SLC35B3: variants seen among roughly 807,000 people sequenced by gnomAD.
The protein encoded by SLC35B3 is adenosine 3'-phospho 5'-phosphosulfate transporter 2.
Under a neutral mutation model 44.1 loss-of-function variants are expected in SLC35B3, and 35 were observed. The observed-to-expected ratio is 0.79, with a 90% CI of 0.61 to 1.05. The LOEUF is 1.05. SLC35B3 is among the 50% of genes least tolerant of loss of function. The pLI, the probability that SLC35B3 is intolerant of heterozygous loss-of-function variation, is 0.00. For missense variants in SLC35B3, 414 were observed against 476.4 expected (o/e 0.87, Z 1.22); for synonymous variants, 146 against 167.3 (o/e 0.87, Z 0.98).
In SLC35B3 at chr6:8,420,930, C is replaced by T; in HGVS notation, c.575-102G>A. ...GAACATGGATTTGTTTTTTTATATC[C>T]AATGCCAAAAACGTGAACACTTAGG... On this transcript the variant is annotated intron_variant, in intron 5 of 10. Transcript: ENST00000644923. This position sits in a 1 kb window ranked among gnomAD's most constrained non-coding sequence, Gnocchi z 4.4. The T allele has an allele frequency of 1.2e-6, 1 of 848,306 alleles. No individual in the cohort carries two copies. The highest frequency in any genetic ancestry group is 1.8e-6 in the Non-Finnish European group (1 of 556,334). The allele number at this position is 848,306 out of a possible 1,614,324, so 52.5% of individuals were successfully genotyped here.
chr6:8,413,124 T>TC lies in SLC35B3; in HGVS notation c.*424dup, dbSNP rs1360546064. On this transcript the variant is annotated 3_prime_UTR_variant, in exon 11 of 11. Transcript: ENST00000644923. ...TAATGAATGTTATTCTCTCCAGACT[T>TC]CAACTCATCAGTTTACTCTTATAAC... 2 of 153,744 alleles carry TC rather than the reference T, an allele frequency of 1.3e-5. No homozygotes were observed. The highest frequency in any genetic ancestry group is 3.8e-4 in the East Asian group (2 of 5,202). 9.5% of individuals were successfully genotyped at this position (153,744 alleles called of 1,614,324 possible). A position where few individuals can be genotyped will look rare whatever the true frequency, so the allele number is the denominator to read the frequency against.
In SLC35B3 at chr6:8,413,343, G is replaced by A; in HGVS notation, c.*206C>T. ...TGACATTTTATTGTAAAGTCTGCTA[G>A]ACGTGGCTCTCTTGATTGCTTTGGA... On this transcript the variant is annotated 3_prime_UTR_variant, in exon 11 of 11. Coordinates refer to ENST00000644923, the MANE Select transcript of SLC35B3 (RefSeq NM_001370476.2). The A allele has an allele frequency of 2.1e-6, 1 of 470,110 alleles. No homozygotes were observed. The highest frequency in any genetic ancestry group is 3.7e-6 in the Non-Finnish European group (1 of 268,404). 29.1% of individuals were successfully genotyped at this position (470,110 alleles called of 1,614,324 possible). A position where few individuals can be genotyped will look rare whatever the true frequency, so the allele number is the denominator to read the frequency against.
chr6:8,419,653 A>G lies in SLC35B3; in HGVS notation c.707T>C (p.Leu236Pro). 6.5e-7 allele frequency: 1 copy of G among 1,545,950 alleles called. No individual in the cohort carries two copies. Among genetic ancestry groups the G allele is most frequent in the South Asian group, 1.2e-5 (1 of 80,086 alleles). Residue 236 changes from leucine (L) to proline (P), a missense_variant, in exon 7 of 11, where the codon CTA (leucine) becomes CCA (proline). Coordinates refer to ENST00000644923, the MANE Select transcript of SLC35B3 (RefSeq NM_001370476.2). The surrounding 1 kb of genome is among the most constrained non-coding windows in gnomAD (Gnocchi z 4.3). ...ATTTCCAATGACGGCATCTGCACATAGTGCCAGGGAAATAAGCACCACACC... is the reference window on the plus strand; with the variant it reads ...ATTTCCAATGACGGCATCTGCACATGGTGCCAGGGAAATAAGCACCACACC...
At chr6:8,421,238 CTGTT>C (rs1256524141) in intron 5 of SLC35B3, among the ~76,000 whole-genome samples, 2 of 152,184 alleles carry the variant, frequency 1.3e-5, no homozygotes, top group Admixed American at 6.5e-5. Context: ...GGTTACATAA[CTGTT>C]TAAGTTTGCA....
At chr6:8,416,361 G>A (rs967836131) in intron 9 of SLC35B3, among the ~76,000 whole-genome samples, 1 of 152,028 alleles carries the variant, frequency 6.6e-6, no homozygotes, top group African/African-American at 2.4e-5. Context: ...CTCCTCCAAA[G>A]CAGAACAAAT....
chr6:8,435,114 C>T lies in SLC35B3; in HGVS notation c.-44+229G>A, dbSNP rs1281910128. 1 of 1,255,222 alleles carries T rather than the reference C, an allele frequency of 8.0e-7. No homozygotes were observed. Among genetic ancestry groups the T allele is most frequent in the Non-Finnish European group, 1.0e-6 (1 of 972,530 alleles). 77.8% of individuals were successfully genotyped at this position (1,255,222 alleles called of 1,614,324 possible). A position where few individuals can be genotyped will look rare whatever the true frequency, so the allele number is the denominator to read the frequency against. On this transcript the variant is annotated intron_variant, in intron 1 of 10. Coordinates refer to ENST00000644923, the MANE Select transcript of SLC35B3 (RefSeq NM_001370476.2). The surrounding 1 kb of genome is among the most constrained non-coding windows in gnomAD (Gnocchi z 5.5). ...ACGGATTGGGACCTGAGGGAGTTCT[C>T]GCCAGCCCGAGGGCGAAAAACGGGC...
At chr6:8,431,573 G>T (rs1222748010) in intron 2 of SLC35B3, among the ~76,000 whole-genome samples, 1 of 152,178 alleles carries the variant, frequency 6.6e-6, no homozygotes, top group African/African-American at 2.4e-5. Flanking sequence ...GTTGTTTCAT[G>T]AAGTTTACTG....
intron 5 of SLC35B3, among the ~76,000 whole-genome samples, chr6:8,421,524 A>G (rs1762888734): frequency 6.6e-6 from 1 of 152,204 alleles, no homozygotes; most frequent in African/African-American, 2.4e-5. Context: ...TAATGCATAA[A>G]TGATATCAGG....
At position 8,411,614 on chromosome 6, in the gene SLC35B3, C is replaced by G. The variant is rs984621177; in HGVS notation, c.*1935G>C. ...TAAATGATTACCACTTGGGAAAAAA[C>G]AATGGCTGTATTTCAGCAAATGGGC... On this transcript the variant is annotated 3_prime_UTR_variant, in exon 11 of 11. Transcript: ENST00000644923. 2.6e-5 allele frequency among the ~76,000 whole-genome samples: 4 copies of G among 152,106 alleles called. No individual in the cohort carries two copies. Among genetic ancestry groups the G allele is most frequent in the African/African-American group, 9.7e-5 (4 of 41,414 alleles).
At position 8,435,370 on chromosome 6, in the gene SLC35B3, G is replaced by T. The variant is rs1400163702; in HGVS notation, c.-71C>A. 7.8e-7 allele frequency: 1 copy of T among 1,288,874 alleles called. No homozygotes were observed. The highest frequency in any genetic ancestry group is 1.5e-5 in the African/African-American group (1 of 65,848). The allele number at this position is 1,288,874 out of a possible 1,614,324, so 79.8% of individuals were successfully genotyped here. Reference sequence around the variant, plus strand: ...CAAGGCCGGTATGTCACCCGGAAGGGTGACGGCAGCCTGCGTGGCGTCTGA... The same window carrying T: ...CAAGGCCGGTATGTCACCCGGAAGGTTGACGGCAGCCTGCGTGGCGTCTGA... On this transcript the variant is annotated 5_prime_UTR_variant, in exon 1 of 11. Coordinates refer to ENST00000644923, the MANE Select transcript of SLC35B3 (RefSeq NM_001370476.2). This position sits in a 1 kb window ranked among gnomAD's most constrained non-coding sequence, Gnocchi z 5.5.
rs754723818 is a variant in SLC35B3 at position 8,416,856 on chromosome 6, A to G, written c.985+28T>C. The G allele has an allele frequency of 1.6e-5, 19 of 1,171,956 alleles. No individual in the cohort carries two copies. In the South Asian group the frequency reaches 2.1e-4, roughly 13 times the overall value. 72.6% of individuals were successfully genotyped at this position (1,171,956 alleles called of 1,614,324 possible). On this transcript the variant is annotated intron_variant, in intron 9 of 10. Coordinates refer to ENST00000644923, the MANE Select transcript of SLC35B3 (RefSeq NM_001370476.2). ...CAGAGAAAATGTAAATGCTTATTTT[A>G]TAATCAAAGCAAGTAAATCCCTCCT...
In SLC35B3 at chr6:8,432,862, C is replaced by T. The variant is rs759920904; in HGVS notation, c.3+1523G>A. Among the ~76,000 whole-genome samples, 28 of 152,182 alleles carry T rather than the reference C, an allele frequency of 1.8e-4. No individual in the cohort carries two copies. The highest frequency in any genetic ancestry group is 3.9e-4 in the Admixed American group (6 of 15,280). ...AGACCTGAATTTCCAACGCTGCCTT[C>T]TCTCCTGAGATCCAGAGCTCTACGT... On this transcript the variant is annotated intron_variant, in intron 2 of 10. Coordinates refer to ENST00000644923, the MANE Select transcript of SLC35B3 (RefSeq NM_001370476.2). This position sits in a 1 kb window ranked among gnomAD's most constrained non-coding sequence, Gnocchi z 4.8.
rs1762983413 is a variant in SLC35B3 at position 8,422,455 on chromosome 6, A to G, written c.574+15T>C. The G allele has an allele frequency of 6.3e-7, 1 of 1,590,164 alleles. No homozygotes were observed. ...TATTAGTTTTAAATAGTATAAAAAC[A>G]TATCATTACTATACCTTGAATAAAA... On this transcript the variant is annotated intron_variant, in intron 5 of 10. Transcript: ENST00000644923.
chr6:8,413,758 AC>A (rs1364915920), intron 10 of SLC35B3, 59 bp from the exon 10 acceptor site: 15 of 1,132,918 alleles, frequency 1.3e-5, no homozygotes, highest in Non-Finnish European at 1.8e-5. Context: ...TTTACTATTA[AC>A]CACAGAATTT....
At chr6:8,431,101 T>G (rs1763938120) in intron 2 of SLC35B3, among the ~76,000 whole-genome samples, 2 of 116,216 alleles carry the variant, frequency 1.7e-5, no homozygotes, top group Admixed American at 1.7e-4. Flanking sequence ...TGTCATTTTT[T>G]GTCAGTCTAA....
Position 8,428,078 on chromosome 6 carries a change from C to T in SLC35B3, c.298-20G>A, listed in dbSNP as rs1561760701. 8.3e-6 allele frequency: 13 copies of T among 1,564,128 alleles called. No individual in the cohort carries two copies. Among genetic ancestry groups the T allele is most frequent in the South Asian group, 1.2e-5 (1 of 82,316 alleles). Reference sequence around the variant, plus strand: ...TAATTCCTGTCAAAAGACACATGAACACTGTTAAGTCCAAGGCAGCACACT... The same window carrying T: ...TAATTCCTGTCAAAAGACACATGAATACTGTTAAGTCCAAGGCAGCACACT... On this transcript the variant is annotated intron_variant, in intron 3 of 10. Transcript: ENST00000644923.
chr6:8,430,000 G>T lies in SLC35B3; in HGVS notation c.161C>A (p.Thr54Lys). The T allele has an allele frequency of 6.2e-7, 1 of 1,613,968 alleles. No individual in the cohort carries two copies. The highest frequency in any genetic ancestry group is 1.1e-5 in the South Asian group (1 of 91,056). The change falls in exon 3 of 11, where the codon ACA becomes AAA. Residue 54 changes from threonine to lysine, a missense_variant. Physicochemically the swap from Thr to Lys is moderately conservative, Grantham distance 78. Coordinates refer to ENST00000644923, the MANE Select transcript of SLC35B3 (RefSeq NM_001370476.2). ...AACTGACTTGATGTGTGGTGACATT[G>T]TTTGGGTTTTGGATGGCACAGTGAT...
At position 8,428,038 on chromosome 6, in the gene SLC35B3, C is replaced by A; in HGVS notation, c.318G>T (p.Glu106Asp). The A allele has an allele frequency of 6.3e-7, 1 of 1,593,658 alleles. No homozygotes were observed. The highest frequency in any genetic ancestry group is 8.5e-7 in the Non-Finnish European group (1 of 1,170,146). ...GGTACCAGCCACAGGACTTAAAACCCTCCACTGAAAATATTAATTCCTGTC... is the reference window on the plus strand; with the variant it reads ...GGTACCAGCCACAGGACTTAAAACCATCCACTGAAAATATTAATTCCTGTC... The change falls in exon 4 of 11, where the codon GAG becomes GAT. Residue 106 changes from glutamate (E) to aspartate (D), a missense_variant. By Grantham distance (45) the Glu-to-Asp change is conservative. Transcript: ENST00000644923.
At chr6:8,415,422 G>A (rs1200050635) in intron 9 of SLC35B3, among the ~76,000 whole-genome samples, 2 of 152,010 alleles carry the variant, frequency 1.3e-5, no homozygotes, top group Admixed American at 1.3e-4. Context: ...TCTTCTTTAC[G>A]CAACTGTATT....
Sources: allele counts gnomAD v4.1 joint callset (sites outside exome capture counted in the v4.1 genomes callset), GRCh38; gene constraint gnomAD v4.1.1; non-coding constraint Gnocchi (gnomAD v3.1); transcripts MANE v1.5; gene names NCBI Gene and HGNC (gene_info 2026-07-23, HGNC 2026-07-21).